The following USO1 variants were observed in gnomAD, a reference collection of about 807,000 sequenced individuals.
USO1 encodes the protein general vesicular transport factor p115.
Under a neutral mutation model 124.5 loss-of-function variants are expected in USO1, and 57 were observed. The ratio of observed to expected loss-of-function variants is 0.46; its 90% CI spans 0.37 to 0.57. The LOEUF is 0.57. Among genes scored for constraint, USO1 ranks in the 20% least tolerant of loss-of-function variants. The probability of loss-of-function intolerance (pLI) is 0.00; values close to 1 mark genes in which losing one functional copy is unlikely to be tolerated. For missense variants in USO1, 900 were observed against 1,040.6 expected (o/e 0.86, Z 1.86); for synonymous variants, 369 against 362.8 (o/e 1.02, Z -0.19).
chr4:75,803,379 G>C (rs932998329), intron 17 of USO1, among the ~76,000 whole-genome samples: 1 of 151,992 alleles, frequency 6.6e-6, no homozygotes, highest in Non-Finnish European at 1.5e-5. Flanking sequence ...CGGGCACGGT[G>C]GCTCACGCCT....
chr4:75,778,982 G>T (rs905906963), intron 8 of USO1, among the ~76,000 whole-genome samples: 1 of 152,078 alleles, frequency 6.6e-6, no homozygotes, highest in Non-Finnish European at 1.5e-5. Context: ...CCAACAGCAC[G>T]CCCTCACTTC....
chr4:75,755,569 G>T, intron 3 of USO1: 1 of 504,178 alleles, frequency 2.0e-6, no homozygotes, highest in Admixed American at 2.1e-5. Context: ...ATGCCCAGCT[G>T]CTTGTCCATA....
At chr4:75,812,450 C>A in intron 23 of USO1, 75 bp downstream of exon 23, 1 of 1,498,526 alleles carries the variant, frequency 6.7e-7, no homozygotes, top group Non-Finnish European at 8.9e-7. Flanking sequence ...TTTAATGTAA[C>A]ATGGAAAAGT....
rs374922535 is a variant in USO1 at position 75,805,220 on chromosome 4, C to A, written c.2206C>A (p.Arg736=). 1.2e-6 allele frequency: 2 copies of A among 1,612,254 alleles called. No individual in the cohort carries two copies. Among genetic ancestry groups the A allele is most frequent in the African/African-American group, 1.3e-5 (1 of 74,784 alleles). ...TCAGCCAGAAGAAATTGGTAGATTG[C>A]GAGAAGAGATAGAAGAATTAAAACG... ...GIQPEEIGRL[R]EEIEELKRNQ... The change falls in exon 19 of 24, where the codon CGA becomes AGA. Residue 736 remains arginine (R), a synonymous_variant. Transcript: ENST00000514213.
At chr4:75,812,020 C>A in intron 22 of USO1, 140 bp from the exon 23 acceptor site, 1 of 1,270,204 alleles carries the variant, frequency 7.9e-7, no homozygotes, top group Non-Finnish European at 1.1e-6. Flanking sequence ...TGTTAAACCT[C>A]CTGTACCCTT....
At chr4:75,740,204 A>G (rs1212461948) in intron 1 of USO1, among the ~76,000 whole-genome samples, 1 of 152,206 alleles carries the variant, frequency 6.6e-6, no homozygotes. Flanking sequence ...AAACAGAAAT[A>G]CACATAAAAG....
rs953023382 is a variant in USO1, at chr4:75,785,993, C to A, written c.856-1069C>A. Among the ~76,000 whole-genome samples the A allele has an allele frequency of 2.0e-5, 3 of 151,992 alleles. 1 individual carries two copies. Among genetic ancestry groups the A allele is most frequent in the Non-Finnish European group, 4.4e-5 (3 of 67,954 alleles). The stretch of plus-strand genomic sequence containing the variant: ...TAGTGACATCAATTTATTAATGAAC[C>A]CTCTTTGAGATGTCTGTTAAGCCAG... On this transcript the variant is annotated intron_variant, in intron 9 of 23. Transcript: ENST00000514213.
chr4:75,808,924 G>A (rs1486711169), intron 20 of USO1, 29 bp from the exon 21 acceptor site: 4 of 1,561,812 alleles, frequency 2.6e-6, no homozygotes, highest in Non-Finnish European at 3.5e-6. Context: ...ACCATTTAAT[G>A]TTATGACTCA....
chr4:75,800,312 G>A, intron 14 of USO1, 39 bp from the exon 15 acceptor site: 1 of 1,538,376 alleles, frequency 6.5e-7, no homozygotes, highest in South Asian at 1.2e-5. Context: ...AAATGTACTA[G>A]ATATTTTCAA....
intron 7 of USO1, among the ~76,000 whole-genome samples, chr4:75,771,679 G>A (rs773224857): frequency 3.9e-5 from 6 of 152,180 alleles, no homozygotes; most frequent in Non-Finnish European, 8.8e-5. Flanking sequence ...TTGATTGAGT[G>A]TGTATTTCTA....
At position 75,756,169 on chromosome 4, in the gene USO1, C is replaced by CAA. The variant is rs11451328; in HGVS notation, c.219-1313_219-1312dup. Among the ~76,000 whole-genome samples the CAA allele has an allele frequency of 4.1e-3, 460 of 112,136 alleles. 6 individuals carry two copies. Among genetic ancestry groups the CAA allele is most frequent in the South Asian group, 0.017 (56 of 3,236 alleles). 73.6% of individuals were successfully genotyped at this position (112,136 alleles called of 152,430 possible). ...TGGGTGACAGAACAAGACTCCGTCT[C>CAA]AAAAAAAAAAAAAAAAGAAGTAGAA... On this transcript the variant is annotated intron_variant, in intron 3 of 23. Transcript: ENST00000514213.
At chr4:75,749,432 ACT>A (rs2149151876) in intron 1 of USO1, among the ~76,000 whole-genome samples, 1 of 150,024 alleles carries the variant, frequency 6.7e-6, no homozygotes, top group East Asian at 2.0e-4. Flanking sequence ...ACAAGGTCTC[ACT>A]CTGTTGCTCA....
At position 75,724,814 on chromosome 4, in the gene USO1, G is replaced by C. The variant is rs774346207; in HGVS notation, c.-6G>C. ...GGGCCGGTAAACCTGGTGGCTGAAC[G>C]GCAAGATGAATTTCCTCCGCGGGGT... On this transcript the variant is annotated 5_prime_UTR_variant, in exon 1 of 24. Coordinates refer to ENST00000514213, the MANE Select transcript of USO1 (RefSeq NM_003715.4). 3.1e-6 allele frequency: 5 copies of C among 1,613,818 alleles called. No homozygotes were observed. The highest frequency in any genetic ancestry group is 4.2e-6 in the Non-Finnish European group (5 of 1,179,824).
At chr4:75,776,326 G>T (rs930050059) in intron 8 of USO1, among the ~76,000 whole-genome samples, 1 of 152,100 alleles carries the variant, frequency 6.6e-6, no homozygotes, top group Non-Finnish European at 1.5e-5. Flanking sequence ...AAGAAACGGA[G>T]CATTTCAAGA....
intron 7 of USO1, 77 bp from the exon 8 acceptor site, chr4:75,774,598 AT>A: frequency 6.7e-7 from 1 of 1,500,622 alleles, no homozygotes. Context: ...CAGTTCTAAA[AT>A]TCTGTGATTT....
intron 1 of USO1, among the ~76,000 whole-genome samples, chr4:75,729,187 T>C (rs1720555683): frequency 6.6e-6 from 1 of 152,228 alleles, no homozygotes; most frequent in African/African-American, 2.4e-5. Flanking sequence ...CACAGTTTGC[T>C]GGGTGCATAT....
In USO1 at chr4:75,774,706, A is replaced by G. The variant is rs369883814; in HGVS notation, c.586A>G (p.Ser196Gly). 3 of 1,613,464 alleles carry G rather than the reference A, an allele frequency of 1.9e-6. No homozygotes were observed. In the African/African-American group the frequency reaches 4.0e-5, roughly 22 times the overall value. The stretch of plus-strand genomic sequence containing the variant: ...CTTACTACTGCAGGCACTAACAAGA[A>G]GCAATGGTGCAATCCAGAAAATTGT... ...GVLLLQALTR[S>G]NGAIQKIVAF... The change falls in exon 8 of 24, where the codon AGC becomes GGC. Residue 196 changes from serine (S) to glycine (G), a missense_variant. Ser to Gly is a moderately conservative substitution (Grantham distance 56). This residue lies in a region of USO1 where 538 missense variants were observed against 681.6 expected (regional missense o/e 0.79). Coordinates refer to ENST00000514213, the MANE Select transcript of USO1 (RefSeq NM_003715.4).
intron 12 of USO1, among the ~76,000 whole-genome samples, chr4:75,792,737 A>G (rs1722567132): frequency 6.6e-6 from 1 of 152,124 alleles, no homozygotes; most frequent in Admixed American, 6.5e-5. Flanking sequence ...ATTTTTTATT[A>G]TAGTCACCCT....
chr4:75,793,659 T>A (rs949702567), intron 12 of USO1, 31 bp from the exon 13 acceptor site: 2 of 1,563,316 alleles, frequency 1.3e-6, no homozygotes, highest in Non-Finnish European at 1.7e-6. Context: ...AAATCTAATA[T>A]ATTTTTATTG....
Sources: allele counts gnomAD v4.1 joint callset (sites outside exome capture counted in the v4.1 genomes callset), GRCh38; gene constraint gnomAD v4.1.1; regional missense constraint gnomAD v4.1.1; transcripts MANE v1.5; gene names NCBI Gene and HGNC (gene_info 2026-07-23, HGNC 2026-07-21).